Variants in RABGEF1 observed in about 807,000 individuals in gnomAD.
The protein encoded by RABGEF1 is RAB guanine nucleotide exchange factor 1, also known as rab5 GDP/GTP exchange factor.
In RABGEF1, 26 loss-of-function variants were observed where a neutral mutation model predicts 57.3. That is an observed-to-expected ratio of 0.45 (90% confidence interval 0.33 to 0.63). RABGEF1 has a LOEUF of 0.63. Ranked by LOEUF, RABGEF1 falls within the 20% of genes least tolerant of loss-of-function variation. The pLI, the probability that RABGEF1 is intolerant of heterozygous loss-of-function variation, is 0.02. For synonymous variants in RABGEF1, 185 were observed against 210.7 expected (o/e 0.88, Z 1.06); for missense variants, 464 against 607.6 (o/e 0.76, Z 2.48).
At chr7:66,772,229 G>A (rs1807331200) in intron 2 of RABGEF1, 151 bp downstream of exon 2, 1 of 547,464 alleles carries the variant, frequency 1.8e-6, no homozygotes, top group African/African-American at 2.0e-5. Context: ...CTTCTTCTCA[G>A]TCAGCTTTTA....
At chr7:66,666,603 A>G in the RABGEF1 span, among the ~76,000 whole-genome samples, 3 of 152,152 alleles carry the variant, frequency 2.0e-5, no homozygotes, top group Non-Finnish European at 4.4e-5. Flanking sequence ...TGAGGCAAGT[A>G]GGGGCAGATG....
chr7:66,805,604 C>T (rs1788259032), intron 8 of RABGEF1, among the ~76,000 whole-genome samples: 1 of 152,234 alleles, frequency 6.6e-6, no homozygotes, highest in South Asian at 2.1e-4. Flanking sequence ...TTGTGTTTAT[C>T]CTACGGAAAC....
chr7:66,751,821 A>G (rs1480722780), intron 1 of RABGEF1, among the ~76,000 whole-genome samples: 1 of 152,156 alleles, frequency 6.6e-6, no homozygotes, highest in Admixed American at 6.5e-5. Context: ...TGGCTATAGA[A>G]TTTGGATTGT....
chr7:66,670,396 T>G, the RABGEF1 span, among the ~76,000 whole-genome samples: 1 of 151,066 alleles, frequency 6.6e-6, no homozygotes, highest in African/African-American at 2.4e-5. Flanking sequence ...GATGACATAT[T>G]GATGGAATTT....
chr7:66,795,504 G>C lies in RABGEF1; in HGVS notation c.514-7G>C, dbSNP rs765187274. On this transcript the variant is annotated splice_polypyrimidine_tract_variant and splice_region_variant and intron_variant, in intron 4 of 8. Transcript: ENST00000284957. ...CTACAAGCAGCCTCTTTGTCTCTCT[G>C]TTTCAGGATCTAAGCATTGAAGAAC... is the stretch of plus-strand genomic sequence containing the variant. 3 of 1,601,982 alleles carry C rather than the reference G, an allele frequency of 1.9e-6. No individual in the cohort carries two copies. Among genetic ancestry groups the C allele is most frequent in the Non-Finnish European group, 2.6e-6 (3 of 1,169,128 alleles).
intron 2 of RABGEF1, chr7:66,712,242 T>C (rs530141609): frequency 6.6e-6 from 1 of 152,342 alleles, no homozygotes; most frequent in East Asian, 1.9e-4. Flanking sequence ...TCTTCATTTA[T>C]TTAGGTCTTT....
chr7:66,779,970 C>A (rs1809491170), intron 3 of RABGEF1, among the ~76,000 whole-genome samples: 1 of 152,154 alleles, frequency 6.6e-6, no homozygotes, highest in African/African-American at 2.4e-5. Flanking sequence ...GAAAAACAAC[C>A]AAGTGTTGAT....
chr7:66,717,202 C>T (rs1433249597), intron 2 of RABGEF1, among the ~76,000 whole-genome samples: 1 of 151,986 alleles, frequency 6.6e-6, no homozygotes, highest in Admixed American at 6.6e-5. Context: ...GTGTAGTGTT[C>T]TTTAGTGGTG....
chr7:66,754,623 C>T lies in RABGEF1; in HGVS notation c.-18+13831C>T, dbSNP rs1583752113. On this transcript the variant is annotated intron_variant, in intron 1 of 8. Coordinates refer to ENST00000284957, the MANE Select transcript of RABGEF1 (RefSeq NM_014504.3). ...CAGTACATTGGCCAGTCCAGCTCAGCTGGATGTCATTTACATATGTGTCTT... is the reference window on the plus strand; with the variant it reads ...CAGTACATTGGCCAGTCCAGCTCAGTTGGATGTCATTTACATATGTGTCTT... 2.6e-5 allele frequency among the ~76,000 whole-genome samples: 4 copies of T among 152,094 alleles called. No homozygotes were observed. The East Asian group carries it at 7.8e-4, about 30-fold the overall frequency.
At chr7:66,800,930 A>G (rs916761396) in intron 7 of RABGEF1, among the ~76,000 whole-genome samples, 3 of 152,066 alleles carry the variant, frequency 2.0e-5, no homozygotes, top group African/African-American at 7.2e-5. Context: ...GAATAGTGGG[A>G]CTCGATAGGA....
chr7:66,736,222 CT>C (rs1209618100), upstream of RABGEF1, among the ~76,000 whole-genome samples: 1 of 152,186 alleles, frequency 6.6e-6, no homozygotes, highest in Non-Finnish European at 1.5e-5. Context: ...CATGCACACA[CT>C]TTCTCAGATA....
chr7:66,748,142 G>A (rs3778905), intron 1 of RABGEF1, among the ~76,000 whole-genome samples: 2 of 152,136 alleles, frequency 1.3e-5, no homozygotes, highest in Non-Finnish European at 2.9e-5. Flanking sequence ...TCCAGCATGC[G>A]TTTCAAAGGG....
At chr7:66,803,725 C>A (rs113568748) in intron 7 of RABGEF1, among the ~76,000 whole-genome samples, 2 of 151,982 alleles carry the variant, frequency 1.3e-5, no homozygotes, top group African/African-American at 4.8e-5. Flanking sequence ...CCCATCTCTA[C>A]TATAAATACA....
rs554955248 is a variant in RABGEF1 at position 66,755,021 on chromosome 7, A to G, written c.-18+14229A>G. 4.6e-5 allele frequency among the ~76,000 whole-genome samples: 7 copies of G among 152,274 alleles called. No homozygotes were observed. In the South Asian group the frequency reaches 1.0e-3, roughly 23 times the overall value. On this transcript the variant is annotated intron_variant, in intron 1 of 8. Coordinates refer to ENST00000284957, the MANE Select transcript of RABGEF1 (RefSeq NM_014504.3). ...TAGATCCTGTCTCTGTTGGCCAGGC[A>G]CGGTGGCTCACACCTGTAATCCCAG...
At chr7:66,755,834 T>TA (rs1280894265) in intron 1 of RABGEF1, 1 of 433,514 alleles carries the variant, frequency 2.3e-6, no homozygotes, top group Non-Finnish European at 4.1e-6. Context: ...GCTCTGCTCA[T>TA]TCCAGCAGCA....
intron 4 of RABGEF1, among the ~76,000 whole-genome samples, chr7:66,794,711 G>T (rs1813597483): frequency 6.6e-6 from 1 of 152,236 alleles, no homozygotes; most frequent in African/African-American, 2.4e-5. Context: ...ATATTAAGCG[G>T]TTAATGCCAC....
At chr7:66,741,023 C>T (rs1327471228) in intron 1 of RABGEF1, among the ~76,000 whole-genome samples, 1 of 152,166 alleles carries the variant, frequency 6.6e-6, no homozygotes, top group Non-Finnish European at 1.5e-5. Context: ...CAGAGTGCGG[C>T]CTCTCCGTCC....
At chr7:66,656,819 T>TAAA in the RABGEF1 span, among the ~76,000 whole-genome samples, 1 of 44,988 alleles carries the variant, frequency 2.2e-5, no homozygotes. Flanking sequence ...AAACTGCATC[T>TAAA]CAAAAAAAAA....
At chr7:66,718,936 C>T (rs1006221075) in intron 2 of RABGEF1, among the ~76,000 whole-genome samples, 8 of 152,250 alleles carry the variant, frequency 5.3e-5, no homozygotes, top group African/African-American at 1.9e-4. Context: ...GCTTCAGTTT[C>T]TCTGCTCTGC....
Sources: gnomAD v4.1 joint callset for allele counts (sites outside exome capture counted in the v4.1 genomes callset) on GRCh38, gnomAD v4.1.1 for gene constraint, MANE v1.5 for transcripts, NCBI Gene and HGNC (gene_info 2026-07-23, HGNC 2026-07-21) for gene names.